Variants in MEGF10 observed in about 807,000 individuals in gnomAD.
The protein encoded by MEGF10 is multiple EGF like domains 10.
A neutral mutation model predicts 147.5 loss-of-function variants in MEGF10; 86 were observed. The observed-to-expected ratio is 0.58, with a 90% CI of 0.49 to 0.70. The LOEUF is 0.70. Among genes scored for constraint, MEGF10 ranks in the 30% least tolerant of loss-of-function variants. The pLI, the probability that MEGF10 is intolerant of heterozygous loss-of-function variation, is 0.00. For synonymous variants in MEGF10, 478 were observed against 525.5 expected, an observed-to-expected ratio of 0.91 and a Z score of 1.24; for missense variants, 1,329 against 1,487.3, an observed-to-expected ratio of 0.89 and a Z score of 1.75.
At chr5:127,455,770 T>C (rs1766341934) in intron 24 of MEGF10, among the ~76,000 whole-genome samples, 163 bp downstream of exon 24, 1 of 147,066 alleles carries the variant, frequency 6.8e-6, no homozygotes, top group Non-Finnish European at 1.5e-5. Flanking sequence ...TGAGATGGGG[T>C]CTCTCTGTCA....
At chr5:127,428,337 G>C (rs982952430) in intron 13 of MEGF10, among the ~76,000 whole-genome samples, 1 of 151,978 alleles carries the variant, frequency 6.6e-6, no homozygotes, top group African/African-American at 2.4e-5. Flanking sequence ...CAGGTTCTAT[G>C]CAACCATAAT....
rs184663729 is a variant in MEGF10, at chr5:127,326,226, A to G, written c.-18-5065A>G. Reference sequence around the variant, plus strand: ...CACCGCACCTGGCCTTTCTTTTATTAATGCTGGTAGGCACACTCATTTAAC... The same window carrying G: ...CACCGCACCTGGCCTTTCTTTTATTGATGCTGGTAGGCACACTCATTTAAC... On this transcript the variant is annotated intron_variant, in intron 1 of 24. Coordinates refer to ENST00000503335, the MANE Select transcript of MEGF10 (RefSeq NM_001256545.2). Among the ~76,000 whole-genome samples, 18 of 151,944 alleles carry G rather than the reference A, an allele frequency of 1.2e-4. 1 individual carries two copies. The East Asian group carries it at 2.5e-3, about 21-fold the overall frequency.
At chr5:127,332,780 TAATA>T (rs1761313826) in intron 2 of MEGF10, among the ~76,000 whole-genome samples, 1 of 152,180 alleles carries the variant, frequency 6.6e-6, no homozygotes, top group Admixed American at 6.6e-5. Flanking sequence ...ATAAAATATA[TAATA>T]AATACTTATT....
chr5:127,422,614 C>T (rs2126979235), intron 12 of MEGF10, 56 bp from the exon 13 acceptor site: 1 of 1,398,080 alleles, frequency 7.2e-7, no homozygotes, highest in Non-Finnish European at 1.0e-6. Flanking sequence ...TTTTCCTCTT[C>T]TGTTGTGGGA....
intron 6 of MEGF10, among the ~76,000 whole-genome samples, chr5:127,398,013 A>G (rs973526406): frequency 1.3e-5 from 2 of 151,594 alleles, no homozygotes; most frequent in Non-Finnish European, 2.9e-5. Context: ...GGAGTTGAAC[A>G]ATGAGAACAC....
chr5:127,244,627 C>T, the MEGF10 span, among the ~76,000 whole-genome samples: 1 of 151,934 alleles, frequency 6.6e-6, no homozygotes, highest in African/African-American at 2.4e-5. Flanking sequence ...AATGTCACCC[C>T]CCACCCCACA....
intron 14 of MEGF10, 128 bp from the exon 15 acceptor site, chr5:127,434,559 T>C: frequency 9.8e-7 from 1 of 1,025,080 alleles, no homozygotes; most frequent in Non-Finnish European, 1.3e-6. Context: ...TGGAAAATTC[T>C]CCGTATCTTT....
chr5:127,293,228 T>C (rs114134392), intron 1 of MEGF10, among the ~76,000 whole-genome samples: 417 of 152,356 alleles, frequency 2.7e-3, no homozygotes, highest in African/African-American at 9.5e-3. Flanking sequence ...CTTTTAACAT[T>C]TGTTTTAGGT....
At position 127,369,871 on chromosome 5, in the gene MEGF10, T is replaced by C. The variant is rs777785458; in HGVS notation, c.320-39T>C. ...CTGTGTTGTTGGCTTTTTTTTCTTG[T>C]GCCAACTTTCTTTATTTGATTGATT... On this transcript the variant is annotated intron_variant, in intron 4 of 24. Coordinates refer to ENST00000503335, the MANE Select transcript of MEGF10 (RefSeq NM_001256545.2). The C allele has an allele frequency of 1.7e-5, 27 of 1,550,078 alleles. No individual in the cohort carries two copies. The South Asian group carries it at 3.1e-4, about 18-fold the overall frequency.
chr5:127,285,932 T>C (rs993343960), upstream of MEGF10, among the ~76,000 whole-genome samples: 1 of 152,066 alleles, frequency 6.6e-6, no homozygotes, highest in African/African-American at 2.4e-5. Context: ...AATTGATGAA[T>C]GGATTAAAAA....
the MEGF10 span, among the ~76,000 whole-genome samples, chr5:127,231,013 C>G: frequency 2.6e-5 from 4 of 152,086 alleles, no homozygotes; most frequent in Non-Finnish European, 4.4e-5. Context: ...GCCTTTTAGC[C>G]CAAATCTGGA....
At chr5:127,432,437 T>C (rs1021307591) in intron 13 of MEGF10, among the ~76,000 whole-genome samples, 1 of 152,220 alleles carries the variant, frequency 6.6e-6, no homozygotes, top group African/African-American at 2.4e-5. Context: ...GTCTGCGTGC[T>C]TGCTCTTAAT....
At chr5:127,416,854 G>GA (rs1222188552) in intron 9 of MEGF10, among the ~76,000 whole-genome samples, 2 of 152,194 alleles carry the variant, frequency 1.3e-5, no homozygotes, top group Non-Finnish European at 2.9e-5. Context: ...TCCAAGAGTA[G>GA]AAAATCTATG....
intron 1 of MEGF10, among the ~76,000 whole-genome samples, chr5:127,318,543 G>A (rs1296800973): frequency 2.6e-5 from 4 of 152,162 alleles, no homozygotes; most frequent in Non-Finnish European, 5.9e-5. Context: ...AGCAGATGAA[G>A]TAGCCAGATG....
chr5:127,453,920 C>T (rs997520054), intron 22 of MEGF10, among the ~76,000 whole-genome samples: 6 of 152,230 alleles, frequency 3.9e-5, no homozygotes, highest in Middle Eastern at 3.4e-3. Context: ...CAGCATGAGC[C>T]GGAACACTCC....
the MEGF10 span, among the ~76,000 whole-genome samples, chr5:127,258,509 A>G: frequency 3.3e-5 from 5 of 152,182 alleles, no homozygotes. Flanking sequence ...TGAAAGATAC[A>G]CAAAGAAAAA....
the MEGF10 span, among the ~76,000 whole-genome samples, chr5:127,238,196 C>T: frequency 2.6e-5 from 4 of 152,004 alleles, no homozygotes; most frequent in East Asian, 7.8e-4. Context: ...GCTGGGACTA[C>T]AGACATGCAC....
chr5:127,451,404 TA>T (rs1456358292), intron 22 of MEGF10, among the ~76,000 whole-genome samples: 1 of 152,228 alleles, frequency 6.6e-6, no homozygotes, highest in Non-Finnish European at 1.5e-5. Context: ...CTTTTATCTG[TA>T]TTCTATACCA....
Position 127,422,717 on chromosome 5 carries a change from C to T in MEGF10, c.1638C>T (p.His546=), listed in dbSNP as rs774408323. The T allele has an allele frequency of 2.9e-5, 47 of 1,613,914 alleles. No homozygotes were observed. Among genetic ancestry groups the T allele is most frequent in the East Asian group, 2.0e-4 (9 of 44,876 alleles). ...GTGCTGAGCGCTGCGACTGCAGCCA[C>T]GCAGATGGCTGCCACCCTACCACGG... The part of the protein sequence containing the change: ...LNCAERCDCS[H]ADGCHPTTGH... Residue 546 remains histidine (H), a synonymous_variant, in exon 13 of 25, where the codon CAC becomes CAT. Transcript: ENST00000503335.
Sources: allele counts gnomAD v4.1 joint callset (sites outside exome capture counted in the v4.1 genomes callset), GRCh38; gene constraint gnomAD v4.1.1; transcripts MANE v1.5; gene names NCBI Gene and HGNC (gene_info 2026-07-23, HGNC 2026-07-21).